Variants in RALGPS1 observed in about 807,000 individuals in gnomAD.
RALGPS1 encodes ras-specific guanine nucleotide-releasing factor RalGPS1.
RALGPS1 carries 19 observed loss-of-function variants against 78.8 expected under a neutral mutation model. That is an observed-to-expected ratio of 0.24 (90% CI 0.17 to 0.35). RALGPS1 has a LOEUF of 0.35. RALGPS1 is among the 10% of genes least tolerant of loss of function. The probability of loss-of-function intolerance (pLI) is 1.00; values close to 1 mark genes in which losing one functional copy is unlikely to be tolerated. For synonymous variants in RALGPS1, 228 were observed against 256.3 expected, an observed-to-expected ratio of 0.89 and a Z score of 1.06; for missense variants, 454 against 688.3, an observed-to-expected ratio of 0.66 and a Z score of 3.81.
intron 11 of RALGPS1, among the ~76,000 whole-genome samples, chr9:127,192,442 C>T (rs770652829): frequency 6.6e-6 from 1 of 152,180 alleles, no homozygotes; most frequent in Non-Finnish European, 1.5e-5. Flanking sequence ...TAGGAAAGGG[C>T]AGATGGAGGG....
At chr9:127,073,794 C>A (rs2050432291) in intron 8 of RALGPS1, among the ~76,000 whole-genome samples, 1 of 152,020 alleles carries the variant, frequency 6.6e-6, no homozygotes, top group Admixed American at 6.6e-5. Context: ...TTGTGGCTGG[C>A]CCAAGACGAT....
intron 8 of RALGPS1, among the ~76,000 whole-genome samples, chr9:127,125,985 G>A (rs938914285): frequency 2.0e-5 from 3 of 152,098 alleles, no homozygotes; most frequent in South Asian, 2.1e-4. Context: ...GGGAGACTGC[G>A]TATATATGAG....
intron 4 of RALGPS1, among the ~76,000 whole-genome samples, chr9:127,020,930 G>A (rs535061253): frequency 8.5e-5 from 13 of 152,316 alleles, no homozygotes; most frequent in Middle Eastern, 3.4e-3. Context: ...TCATAGGGGT[G>A]TTGTGAGAAT....
intron 1 of RALGPS1, among the ~76,000 whole-genome samples, chr9:126,937,584 T>C (rs1389610377): frequency 2.6e-5 from 4 of 152,226 alleles, no homozygotes; most frequent in Non-Finnish European, 1.5e-5. Flanking sequence ...TGGACCCATG[T>C]TCCTTATATC....
intron 8 of RALGPS1, among the ~76,000 whole-genome samples, chr9:127,121,856 G>A (rs567128204): frequency 5.3e-5 from 8 of 152,162 alleles, no homozygotes; most frequent in African/African-American, 1.9e-4. Flanking sequence ...TCAGCACAGC[G>A]CTTGCCTTTG....
At chr9:127,019,024 T>C (rs992773142) in intron 4 of RALGPS1, among the ~76,000 whole-genome samples, 3 of 152,238 alleles carry the variant, frequency 2.0e-5, no homozygotes, top group Non-Finnish European at 4.4e-5. Context: ...CTTTTTCCTT[T>C]TTTAAAACAT....
chr9:127,022,936 A>G (rs2045602856), intron 4 of RALGPS1, among the ~76,000 whole-genome samples: 1 of 152,226 alleles, frequency 6.6e-6, no homozygotes, highest in Non-Finnish European at 1.5e-5. Context: ...TGAAAGTAAG[A>G]GCATGTTTGT....
chr9:127,168,916 A>G, intron 10 of RALGPS1, 144 bp downstream of exon 10: 1 of 660,538 alleles, frequency 1.5e-6, no homozygotes, highest in Non-Finnish European at 2.7e-6. Flanking sequence ...AGTAGCGCCC[A>G]GGCCCCAGCA....
chr9:126,959,083 G>A (rs959399776), intron 1 of RALGPS1, among the ~76,000 whole-genome samples: 8 of 145,492 alleles, frequency 5.5e-5, no homozygotes, highest in African/African-American at 7.7e-5. Context: ...TTTTTTTTGA[G>A]GTGGAGTCTC....
chr9:127,129,167 C>T (rs1042178100), intron 8 of RALGPS1, among the ~76,000 whole-genome samples: 3 of 152,168 alleles, frequency 2.0e-5, no homozygotes, highest in East Asian at 3.8e-4. Context: ...TATTTTAAGG[C>T]GTGTCCAGCT....
intron 5 of RALGPS1, among the ~76,000 whole-genome samples, chr9:127,046,799 GA>G (rs1279234294): frequency 1.3e-5 from 2 of 151,676 alleles, no homozygotes; most frequent in African/African-American, 4.8e-5. Flanking sequence ...TGTCCCAGTA[GA>G]AAGATAGTTC....
intron 8 of RALGPS1, among the ~76,000 whole-genome samples, chr9:127,109,437 A>G (rs2054581937): frequency 6.6e-6 from 1 of 152,248 alleles, no homozygotes; most frequent in African/African-American, 2.4e-5. Context: ...TATCAGTGGA[A>G]GGATGTGTCC....
intron 13 of RALGPS1, among the ~76,000 whole-genome samples, chr9:127,197,298 G>T (rs866730948): frequency 2.0e-5 from 3 of 152,272 alleles, no homozygotes; most frequent in Middle Eastern, 3.4e-3. Context: ...AGGACAGGTG[G>T]GCACCGCCCT....
At position 127,211,662 on chromosome 9, in the gene RALGPS1, C is replaced by T. The variant is rs992108847; in HGVS notation, c.1248-469C>T. Among the ~76,000 whole-genome samples, 4 of 152,048 alleles carry T rather than the reference C, an allele frequency of 2.6e-5. No individual in the cohort carries two copies. The highest frequency in any genetic ancestry group is 6.5e-5 in the Admixed American group (1 of 15,272). ...CCCGGGAAAGATGTGGGGAATGGTG[C>T]GTGTGGGCTCGCGTCCCTCCTGTCC... On this transcript the variant is annotated intron_variant, in intron 14 of 18. Coordinates refer to ENST00000259351, the MANE Select transcript of RALGPS1 (RefSeq NM_014636.3). This position sits in a 1 kb window ranked among gnomAD's most constrained non-coding sequence, Gnocchi z 5.0.
intron 1 of RALGPS1, among the ~76,000 whole-genome samples, chr9:126,949,208 A>C (rs977930086): frequency 6.6e-6 from 1 of 152,182 alleles, no homozygotes; most frequent in Non-Finnish European, 1.5e-5. Flanking sequence ...AATCCAGTCT[A>C]TCATTGTTGG....
intron 4 of RALGPS1, among the ~76,000 whole-genome samples, chr9:127,009,585 A>C (rs1474543260): frequency 2.0e-5 from 3 of 152,132 alleles, no homozygotes; most frequent in African/African-American, 4.8e-5. Context: ...CAGTGGGTGA[A>C]ATCTACTGAA....
At chr9:126,945,777 G>A (rs2037203581) in intron 1 of RALGPS1, among the ~76,000 whole-genome samples, 4 of 152,160 alleles carry the variant, frequency 2.6e-5, no homozygotes, top group Admixed American at 2.6e-4. Context: ...CTTATACCAT[G>A]GACTGAATTC....
At chr9:127,004,043 A>G (rs1447650174) in intron 4 of RALGPS1, among the ~76,000 whole-genome samples, 1 of 152,150 alleles carries the variant, frequency 6.6e-6, no homozygotes, top group African/African-American at 2.4e-5. Flanking sequence ...TATTATAGTT[A>G]CTTTATCCAA....
intron 1 of RALGPS1, among the ~76,000 whole-genome samples, chr9:126,917,710 C>G (rs933493427): frequency 2.0e-5 from 3 of 152,214 alleles, no homozygotes; most frequent in Non-Finnish European, 4.4e-5. Flanking sequence ...TCTCTCACTG[C>G]CTGCCCATCT....
Sources: gnomAD v4.1 joint callset for allele counts (sites outside exome capture counted in the v4.1 genomes callset) on GRCh38, gnomAD v4.1.1 for gene constraint, Gnocchi (gnomAD v3.1) non-coding constraint, MANE v1.5 for transcripts, NCBI Gene and HGNC (gene_info 2026-07-23, HGNC 2026-07-21) for gene names.